Variants in AXDND1 observed in about 807,000 individuals in gnomAD.
AXDND1 encodes the protein axonemal dynein light chain domain containing 1.
Under a neutral mutation model 137.5 loss-of-function variants are expected in AXDND1, and 110 were observed. The observed-to-expected ratio is 0.80, with a 90% CI of 0.69 to 0.94. The LOEUF (loss-of-function observed/expected upper bound fraction) is 0.94. Ranked by LOEUF, AXDND1 falls within the 40% of genes least tolerant of loss-of-function variation. The pLI is 0.00. For synonymous variants in AXDND1, 414 were observed against 399.7 expected, an observed-to-expected ratio of 1.04 and a Z score of -0.43; for missense variants, 1,191 against 1,169.8, an observed-to-expected ratio of 1.02 and a Z score of -0.26.
chr1:179,408,419 C>T (rs1005626764), intron 11 of AXDND1, among the ~76,000 whole-genome samples: 7 of 151,598 alleles, frequency 4.6e-5, no homozygotes, highest in African/African-American at 1.5e-4. Context: ...ACTCTGTTGC[C>T]AGGCTGGAGT....
intron 16 of AXDND1, chr1:179,456,276 C>T (rs1181778733): frequency 4.1e-6 from 3 of 738,422 alleles, no homozygotes; most frequent in Non-Finnish European, 7.4e-6. Flanking sequence ...TCCATAGCCA[C>T]CTTGGTTTTG....
At chr1:179,387,019 C>T (rs1372061571) in intron 9 of AXDND1, among the ~76,000 whole-genome samples, 3 of 152,078 alleles carry the variant, frequency 2.0e-5, no homozygotes, top group African/African-American at 7.2e-5. Flanking sequence ...TCTTCCATGT[C>T]TCTACTTAAC....
At chr1:179,487,591 T>C (rs1666224292) in intron 18 of AXDND1, among the ~76,000 whole-genome samples, 1 of 148,744 alleles carries the variant, frequency 6.7e-6, no homozygotes, top group Non-Finnish European at 1.5e-5. Context: ...AAATTCAGTT[T>C]CCTTCAATAC....
rs549442558 is a variant in AXDND1 at position 179,435,145 on chromosome 1, G to A, written c.1563+2803G>A. Among the ~76,000 whole-genome samples the A allele has an allele frequency of 2.7e-4, 41 of 152,148 alleles. 1 individual carries two copies. In the South Asian group the frequency reaches 8.3e-3, roughly 31 times the overall value. On this transcript the variant is annotated intron_variant, in intron 15 of 25. Transcript: ENST00000367618. The stretch of plus-strand genomic sequence containing the variant: ...GAATACAGCCAATAAGGGATGCGAA[G>A]GACCTCTTCAAGGAGAACTACAAAA...
intron 15 of AXDND1, among the ~76,000 whole-genome samples, chr1:179,442,142 G>A (rs1228391464): frequency 2.6e-5 from 4 of 152,168 alleles, no homozygotes; most frequent in Admixed American, 6.5e-5. Flanking sequence ...GCAGCACAGC[G>A]TAAAATTCTT....
chr1:179,434,354 G>C (rs1657826296), intron 15 of AXDND1, among the ~76,000 whole-genome samples: 1 of 152,054 alleles, frequency 6.6e-6, no homozygotes. Context: ...TCATTTATGA[G>C]GCCAGCATCA....
chr1:179,392,141 C>T (rs576451740), intron 9 of AXDND1, among the ~76,000 whole-genome samples: 65 of 152,296 alleles, frequency 4.3e-4, no homozygotes, highest in African/African-American at 2.2e-4. Context: ...AATCTTCCTC[C>T]TCAGACCCCA....
At chr1:179,402,000 C>T (rs1284174849) in intron 11 of AXDND1, among the ~76,000 whole-genome samples, 1 of 151,946 alleles carries the variant, frequency 6.6e-6, no homozygotes, top group Non-Finnish European at 1.5e-5. Context: ...GGTGAAACCC[C>T]ATCTCTACTA....
At chr1:179,387,066 G>T (rs1193582714) in intron 9 of AXDND1, among the ~76,000 whole-genome samples, 2 of 152,084 alleles carry the variant, frequency 1.3e-5, no homozygotes, top group Non-Finnish European at 2.9e-5. Context: ...ATAACTTTTA[G>T]TGGTTTTGTC....
intron 25 of AXDND1, chr1:179,543,349 G>A (rs1168918406): frequency 6.6e-6 from 1 of 152,198 alleles, no homozygotes; most frequent in East Asian, 1.9e-4. Flanking sequence ...GTCTACAGTT[G>A]GGTGTGGAGA....
At chr1:179,399,739 A>G (rs1301091303) in intron 11 of AXDND1, among the ~76,000 whole-genome samples, 1 of 152,210 alleles carries the variant, frequency 6.6e-6, no homozygotes, top group African/African-American at 2.4e-5. Flanking sequence ...AGAAAAAACA[A>G]ACAATCACGT....
intron 16 of AXDND1, among the ~76,000 whole-genome samples, chr1:179,458,201 T>A (rs1033794186): frequency 2.0e-5 from 3 of 152,134 alleles, no homozygotes; most frequent in African/African-American, 7.2e-5. Context: ...CAGGCTGGTC[T>A]CAAACTCTTG....
In AXDND1 at chr1:179,535,162, A is replaced by T. The variant is rs1048878880; in HGVS notation, c.3031+200A>T. The T allele has an allele frequency of 4.3e-6, 3 of 703,038 alleles. No individual in the cohort carries two copies. The Admixed American group carries it at 1.0e-4, about 25-fold the overall frequency. The allele number at this position is 703,038 out of a possible 1,614,324, so 43.5% of individuals were successfully genotyped here. On this transcript the variant is annotated intron_variant, in intron 25 of 25. Transcript: ENST00000367618. ...AAAAAGGAAAACCAAATGAATAACA[A>T]TTGTGAATGAATAAAGTAGCTCAGA...
At position 179,460,738 on chromosome 1, in the gene AXDND1, C is replaced by T. The variant is rs533045324; in HGVS notation, c.1799-7705C>T. 4.1e-3 allele frequency among the ~76,000 whole-genome samples: 617 copies of T among 152,312 alleles called. 5 individuals carry two copies. The highest frequency in any genetic ancestry group is 0.014 in the African/African-American group (591 of 41,566). ...TGTTTTCCTGACTTTTTAATGATCA[C>T]CATTCTAACTGGTGTGAGATGGTAT... On this transcript the variant is annotated intron_variant, in intron 16 of 25. Transcript: ENST00000367618.
rs774400395 is a variant in AXDND1 at position 179,395,906 on chromosome 1, C to T, written c.1109+704C>T. On this transcript the variant is annotated intron_variant, in intron 11 of 25. Coordinates refer to ENST00000367618, the MANE Select transcript of AXDND1 (RefSeq NM_144696.6). ...GATTTAGGCCAGGCATGGTGGTTCA[C>T]GCCTGTAATCCCAGCACTTTGGGAG... 5.1e-4 allele frequency among the ~76,000 whole-genome samples: 77 copies of T among 152,088 alleles called. 1 individual carries two copies. Among genetic ancestry groups the T allele is most frequent in the Middle Eastern group, 3.2e-3 (1 of 316 alleles).
chr1:179,525,473 C>T lies in AXDND1; in HGVS notation c.2610+26C>T. On this transcript the variant is annotated intron_variant, in intron 22 of 25. Transcript: ENST00000367618. ...GTAAGATTATTTGGTATTTGTTTTTCCTCCTACATACATACATACATACAT... is the reference window on the plus strand; with the variant it reads ...GTAAGATTATTTGGTATTTGTTTTTTCTCCTACATACATACATACATACAT... 1.9e-6 allele frequency: 3 copies of T among 1,554,714 alleles called. No homozygotes were observed. The South Asian group carries it at 3.4e-5, about 18-fold the overall frequency.
intron 15 of AXDND1, among the ~76,000 whole-genome samples, chr1:179,434,428 A>G (rs1410392057): frequency 6.6e-6 from 1 of 152,220 alleles, no homozygotes; most frequent in Non-Finnish European, 1.5e-5. Context: ...AGTATCCCTG[A>G]TGAACATTGA....
rs1216184259 is a variant in AXDND1, at chr1:179,528,329, A to G, written c.2613A>G (p.Gln871=). The G allele has an allele frequency of 6.2e-7, 1 of 1,611,786 alleles. No individual in the cohort carries two copies. The highest frequency in any genetic ancestry group is 8.5e-7 in the Non-Finnish European group (1 of 1,178,140). ...QEENKERAEE[Q]PSTSTEKEKL... is the part of the protein sequence containing the mutation. Reference sequence around the variant, plus strand: ...GTCCGCATGTTTCTGTGTTCTAGCAACCTTCAACATCTACAGAGAAGGAAA... The same window carrying G: ...GTCCGCATGTTTCTGTGTTCTAGCAGCCTTCAACATCTACAGAGAAGGAAA... The change falls in exon 23 of 26, where the codon CAA becomes CAG. Residue 871 remains glutamine, a splice_region_variant and synonymous_variant. Transcript: ENST00000367618.
intron 21 of AXDND1, among the ~76,000 whole-genome samples, chr1:179,523,505 A>C (rs533302579): frequency 5.4e-4 from 82 of 152,344 alleles, no homozygotes; most frequent in African/African-American, 1.9e-3. Flanking sequence ...ATTCCCAAAA[A>C]GAAAATCCAT....
Sources: gnomAD v4.1 joint callset for allele counts (sites outside exome capture counted in the v4.1 genomes callset) on GRCh38, gnomAD v4.1.1 for gene constraint, MANE v1.5 for transcripts, NCBI Gene and HGNC (gene_info 2026-07-23, HGNC 2026-07-21) for gene names.